The following TRIM66 variants were observed in gnomAD, a reference collection of about 807,000 sequenced individuals.
The protein encoded by TRIM66 is tripartite motif containing 66.
TRIM66 carries 99 observed loss-of-function variants against 148.2 expected under a neutral mutation model. That is an observed-to-expected ratio of 0.67 (90% CI 0.57 to 0.79). The LOEUF (loss-of-function observed/expected upper bound fraction) is 0.79. Among genes scored for constraint, TRIM66 ranks in the 30% least tolerant of loss-of-function variants. The pLI is 0.00. For missense variants in TRIM66, 1,666 were observed against 1,697.9 expected (o/e 0.98, Z 0.33); for synonymous variants, 616 against 635.9 (o/e 0.97, Z 0.47).
intron 22 of TRIM66, 70 bp downstream of exon 22, chr11:8,619,980 G>T (rs943406048): frequency 1.1e-5 from 15 of 1,349,650 alleles, no homozygotes; most frequent in Non-Finnish European, 1.5e-5. Context: ...GTTAGGGGAG[G>T]CTGGGGTAGC....
chr11:8,675,439 A>G (rs533430115), intron 3 of TRIM66, among the ~76,000 whole-genome samples: 10 of 152,290 alleles, frequency 6.6e-5, no homozygotes, highest in Non-Finnish European at 1.0e-4. Flanking sequence ...CTGGAGTACA[A>G]TGGCGTGATC....
chr11:8,678,889 A>G (rs2039300053), intron 3 of TRIM66, among the ~76,000 whole-genome samples: 1 of 152,178 alleles, frequency 6.6e-6, no homozygotes, highest in African/African-American at 2.4e-5. Context: ...CCACCTGGAG[A>G]GAGGCCTGGG....
At chr11:8,628,364 G>A (rs965540458) in intron 15 of TRIM66, among the ~76,000 whole-genome samples, 2 of 151,980 alleles carry the variant, frequency 1.3e-5, no homozygotes, top group Non-Finnish European at 2.9e-5. Flanking sequence ...TGTAATCCCA[G>A]CACTTTGGGA....
At chr11:8,643,574 C>T (rs2036589585) in intron 12 of TRIM66, among the ~76,000 whole-genome samples, 1 of 152,082 alleles carries the variant, frequency 6.6e-6, no homozygotes, top group South Asian at 2.1e-4. Flanking sequence ...GATCTCCTGA[C>T]CTCGTGATCT....
chr11:8,660,203 G>A (rs2038151802), intron 6 of TRIM66, among the ~76,000 whole-genome samples: 1 of 151,996 alleles, frequency 6.6e-6, no homozygotes, highest in East Asian at 1.9e-4. Context: ...TCACAATTTG[G>A]CCCTAAATTT....
intron 15 of TRIM66, among the ~76,000 whole-genome samples, chr11:8,626,461 T>C (rs545892735): frequency 1.3e-5 from 2 of 152,336 alleles, no homozygotes; most frequent in East Asian, 1.9e-4. Flanking sequence ...AAGTCACTCC[T>C]AGTCATTCAG....
intron 6 of TRIM66, among the ~76,000 whole-genome samples, 198 bp downstream of exon 6, chr11:8,671,588 C>G (rs1404745320): frequency 6.6e-6 from 1 of 152,198 alleles, no homozygotes; most frequent in African/African-American, 2.4e-5. Context: ...ATGAAAAGTT[C>G]CAGCTTACAA....
At position 8,618,369 on chromosome 11, in the gene TRIM66, T is replaced by C. The variant is rs528273365; in HGVS notation, c.4120-366A>G. 7.9e-4 allele frequency among the ~76,000 whole-genome samples: 121 copies of C among 152,318 alleles called. 3 individuals are homozygous for C. The South Asian group carries it at 0.024, about 30-fold the overall frequency. ...AAGGGGCTAAGAAAGATCCCTTCCT[T>C]TCTCTCTCAAACCCAAATAGAAACC... On this transcript the variant is annotated intron_variant, in intron 24 of 24. Transcript: ENST00000646038.
At chr11:8,647,502 CAT>C (rs984876413) in intron 10 of TRIM66, among the ~76,000 whole-genome samples, 4 of 152,204 alleles carry the variant, frequency 2.6e-5, no homozygotes, top group African/African-American at 9.6e-5. Context: ...GTGCCTGACA[CAT>C]GAGGTGCTCT....
chr11:8,656,656 T>C (rs1287093516), intron 6 of TRIM66, among the ~76,000 whole-genome samples: 2 of 152,222 alleles, frequency 1.3e-5, no homozygotes, highest in African/African-American at 2.4e-5. Flanking sequence ...GCACTTTACA[T>C]GTGTAAAAAA....
At chr11:8,676,996 AACC>A (rs1194366538) in intron 3 of TRIM66, among the ~76,000 whole-genome samples, 1 of 152,230 alleles carries the variant, frequency 6.6e-6, no homozygotes, top group Admixed American at 6.5e-5. Context: ...CCTTGCCACA[AACC>A]ACCTCCTTTT....
chr11:8,681,583 A>G (rs1246813077), intron 1 of TRIM66, among the ~76,000 whole-genome samples: 1 of 152,190 alleles, frequency 6.6e-6, no homozygotes, highest in Non-Finnish European at 1.5e-5. Flanking sequence ...GGGATCTATT[A>G]ATAGACTAGC....
upstream of TRIM66, chr11:8,682,855 G>C: frequency 2.5e-6 from 4 of 1,603,362 alleles, no homozygotes; most frequent in East Asian, 6.7e-5. Flanking sequence ...CCTTGCCGGC[G>C]GAGACCCCTA....
intron 24 of TRIM66, among the ~76,000 whole-genome samples, chr11:8,618,252 T>C (rs1253480956): frequency 3.9e-5 from 6 of 152,208 alleles, no homozygotes; most frequent in Non-Finnish European, 7.3e-5. Context: ...CAGCCCTGAA[T>C]GGACATTTCT....
intron 16 of TRIM66, 21 bp downstream of exon 16, chr11:8,624,692 T>C (rs1010545263): frequency 1.8e-5 from 27 of 1,483,632 alleles, no homozygotes; most frequent in Middle Eastern, 3.5e-4. Flanking sequence ...GAAGTTTGGA[T>C]AGCATTTCCC....
intron 3 of TRIM66, among the ~76,000 whole-genome samples, chr11:8,675,419 G>A (rs2039129669): frequency 6.6e-6 from 1 of 152,182 alleles, no homozygotes; most frequent in South Asian, 2.1e-4. Flanking sequence ...TTTTGCCCTT[G>A]TTAACCAGGC....
At position 8,671,795 on chromosome 11, in the gene TRIM66, C is replaced by T; in HGVS notation, c.331G>A (p.Val111Ile). The change falls in exon 6 of 25, where the codon GTT becomes ATT. Residue 111 changes from valine to isoleucine, a missense_variant. Physicochemically the swap from Val to Ile is conservative, Grantham distance 29. This residue lies in a region of TRIM66 where 1,431 missense variants were observed against 1,412.4 expected (regional missense o/e 1.01). Transcript: ENST00000646038. ...GTGCCTTTGTACTTACCATCTGCAA[C>T]AGTCTCATGAGCCTTGGCAATCTGC... ...LGQIAKAHET[V>I]ADELISCPGC... 7.3e-7 allele frequency: 1 copy of T among 1,367,280 alleles called. No individual in the cohort carries two copies. Among genetic ancestry groups the T allele is most frequent in the Non-Finnish European group, 1.0e-6 (1 of 992,752 alleles). The allele number at this position is 1,367,280 out of a possible 1,614,324, so 84.7% of individuals were successfully genotyped here.
In TRIM66 at chr11:8,640,296, C is replaced by A. The variant is rs1420183954; in HGVS notation, c.2079G>T (p.Val693=). The A allele has an allele frequency of 1.9e-6, 3 of 1,551,686 alleles. No homozygotes were observed. The highest frequency in any genetic ancestry group is 1.4e-5 in the African/African-American group (1 of 73,118). Residue 693 remains valine (V), a synonymous_variant, in exon 14 of 25, where the codon GTG becomes GTT. Coordinates refer to ENST00000646038, the MANE Select transcript of TRIM66 (RefSeq NM_001388022.1). ...GCCTCACGATGTAGTTGATCTGCCC[C>A]ACAATGGTTTGCTGAAGATGCTGAG... ...KSPQHLQQTI[V]GQINYIVRQP...
At chr11:8,637,209 A>G (rs2133024871) in intron 15 of TRIM66, among the ~76,000 whole-genome samples, 1 of 152,264 alleles carries the variant, frequency 6.6e-6, no homozygotes, top group South Asian at 2.1e-4. Flanking sequence ...CTCTTCCACC[A>G]GACTGTACTC....
Sources: gnomAD v4.1 joint callset for allele counts (sites outside exome capture counted in the v4.1 genomes callset) on GRCh38, gnomAD v4.1.1 for gene constraint, gnomAD v4.1.1 regional missense constraint, MANE v1.5 for transcripts, NCBI Gene and HGNC (gene_info 2026-07-23, HGNC 2026-07-21) for gene names.